The following ESPN variants were observed in gnomAD, a reference collection of about 807,000 sequenced individuals.
ESPN encodes autosomal recessive deafness type 36 protein.
In ESPN, 68 loss-of-function variants were observed where a neutral mutation model predicts 77.7. That is an observed-to-expected ratio of 0.87 (90% CI 0.72 to 1.07). ESPN has a LOEUF of 1.07. Among genes scored for constraint, ESPN ranks in the 50% least tolerant of loss-of-function variants. The probability of loss-of-function intolerance (pLI) is 0.00; values close to 1 mark genes in which losing one functional copy is unlikely to be tolerated. For missense variants in ESPN, 1,060 were observed against 1,239.0 expected, an observed-to-expected ratio of 0.86 and a Z score of 2.17; for synonymous variants, 449 against 567.1, an observed-to-expected ratio of 0.79 and a Z score of 2.96.
chr1:6,449,189 C>T (rs2148534331), intron 8 of ESPN, 98 bp downstream of exon 8: 18 of 1,216,072 alleles, frequency 1.5e-5, no homozygotes, highest in Non-Finnish European at 1.9e-5. Context: ...CTGCCCGGGT[C>T]CTTCCTCTTC....
At position 6,451,812 on chromosome 1, in the gene ESPN, C is replaced by A. The variant is rs1299322545; in HGVS notation, c.2062-21C>A. Reference sequence around the variant, plus strand: ...TGGCCCTAGGCCACCGGGCGCTCAGCCCCACCGCTTCTCCCTGCAGCCCGA... The same window carrying A: ...TGGCCCTAGGCCACCGGGCGCTCAGACCCACCGCTTCTCCCTGCAGCCCGA... On this transcript the variant is annotated intron_variant, in intron 9 of 12. Coordinates refer to ENST00000645284, the MANE Select transcript of ESPN (RefSeq NM_031475.3). This position sits in a 1 kb window ranked among gnomAD's most constrained non-coding sequence, Gnocchi z 4.3. 1.9e-6 allele frequency: 3 copies of A among 1,610,336 alleles called. No homozygotes were observed. The highest frequency in any genetic ancestry group is 2.5e-6 in the Non-Finnish European group (3 of 1,179,012).
At chr1:6,443,470 G>A (rs981689522) in intron 5 of ESPN, among the ~76,000 whole-genome samples, 5 of 152,240 alleles carry the variant, frequency 3.3e-5, no homozygotes, top group African/African-American at 9.6e-5. Context: ...TGTTGGCCAG[G>A]TAAAGAGCAC....
intron 2 of ESPN, among the ~76,000 whole-genome samples, chr1:6,432,330 A>T (rs1643281646): frequency 6.6e-6 from 1 of 151,962 alleles, no homozygotes; most frequent in African/African-American, 2.4e-5. Context: ...TTCCTTTTTG[A>T]TCACCAGCTC....
Position 6,448,652 on chromosome 1 carries a change from TGACGGCCAC to T in ESPN, c.1482_1490del (p.His495_Gly497del). On this transcript the variant is annotated inframe_deletion, in exon 8 of 13. Coordinates refer to ENST00000645284, the MANE Select transcript of ESPN (RefSeq NM_031475.3). ...CTGTCTTCCCGCAGCTGAGCTCCTGTGACGGCCACGACGGGCTGCGGAGGCAGGACTCCA... is the reference window on the plus strand; with the variant it reads ...CTGTCTTCCCGCAGCTGAGCTCCTGTGACGGGCTGCGGAGGCAGGACTCCA... 6.4e-7 allele frequency: 1 copy of T among 1,561,686 alleles called. No homozygotes were observed. Among genetic ancestry groups the T allele is most frequent in the Non-Finnish European group, 8.6e-7 (1 of 1,165,114 alleles).
chr1:6,440,874 C>T, intron 4 of ESPN, 60 bp from the exon 5 acceptor site: 3 of 1,531,552 alleles, frequency 2.0e-6, no homozygotes, highest in South Asian at 1.2e-5. Context: ...CACGGCCCTG[C>T]CCGGGCGCGG....
In ESPN at chr1:6,458,009, A is replaced by G. The variant is rs923066852; in HGVS notation, c.2417+637A>G. 4.0e-4 allele frequency among the ~76,000 whole-genome samples: 44 copies of G among 110,414 alleles called. No individual in the cohort carries two copies. The East Asian group carries it at 4.7e-3, about 12-fold the overall frequency. The allele number at this position is 110,414 out of a possible 152,430, so 72.4% of individuals were successfully genotyped here. A position where few individuals can be genotyped will look rare whatever the true frequency, so the allele number is the denominator to read the frequency against. ...CAATGCAGTGAGACCTCATTCTGCG[A>G]AAAAAAAAAAAAAAAAAAAATTTTT... On this transcript the variant is annotated intron_variant, in intron 12 of 12. Transcript: ENST00000645284.
chr1:6,445,990 G>A (rs1159028970), intron 7 of ESPN, 55 bp downstream of exon 7: 3 of 1,575,282 alleles, frequency 1.9e-6, no homozygotes, highest in East Asian at 2.2e-5. Flanking sequence ...GGCTGATGGG[G>A]GCCAGTGAGG....
At chr1:6,434,388 A>G (rs1474670784) in intron 2 of ESPN, among the ~76,000 whole-genome samples, 1 of 152,134 alleles carries the variant, frequency 6.6e-6, no homozygotes, top group Non-Finnish European at 1.5e-5. Flanking sequence ...GTCCCTGACT[A>G]ATGAGGCCAG....
rs538135858 is a variant in ESPN at position 6,429,644 on chromosome 1, C to T, written c.488+1225C>T. 4.2e-4 allele frequency among the ~76,000 whole-genome samples: 64 copies of T among 152,334 alleles called. 2 individuals carry two copies. In the South Asian group the frequency reaches 0.012, roughly 28 times the overall value. On this transcript the variant is annotated intron_variant, in intron 2 of 12. Transcript: ENST00000645284. The stretch of plus-strand genomic sequence containing the variant: ...TATGGCCCAAGTGTGAACTGGAGGA[C>T]GCTGAGCCCACCTTCTGCAAGTGCT...
chr1:6,454,511 C>T (rs1250404476), intron 10 of ESPN: 5 of 398,908 alleles, frequency 1.3e-5, no homozygotes, highest in African/African-American at 8.2e-5. Flanking sequence ...TCCTCGGGCC[C>T]TTTGGCGAGC....
chr1:6,450,570 G>T lies in ESPN; in HGVS notation c.1916-1033G>T. ...AGAAGGGGCCCAGACTTGAGGAAAG[G>T]GCAGGGGCAGGGGCTGGCAGGCGAG... On this transcript the variant is annotated intron_variant, in intron 8 of 12. Coordinates refer to ENST00000645284, the MANE Select transcript of ESPN (RefSeq NM_031475.3). The surrounding 1 kb of genome is among the most constrained non-coding windows in gnomAD (Gnocchi z 4.3). 1 of 515,634 alleles carries T rather than the reference G, an allele frequency of 1.9e-6. No individual in the cohort carries two copies. The highest frequency in any genetic ancestry group is 8.5e-5 in the South Asian group (1 of 11,780). 31.9% of individuals were successfully genotyped at this position (515,634 alleles called of 1,614,324 possible).
chr1:6,443,914 G>A (rs571269963), intron 5 of ESPN, among the ~76,000 whole-genome samples: 5 of 152,214 alleles, frequency 3.3e-5, no homozygotes, highest in African/African-American at 7.2e-5. Context: ...GTGGTCAGAC[G>A]CACAGACCGG....
In ESPN at chr1:6,446,053, G is replaced by T. The variant is rs1032659429; in HGVS notation, c.1464+118G>T. The T allele has an allele frequency of 1.5e-5, 16 of 1,039,732 alleles. No individual in the cohort carries two copies. The African/African-American group carries it at 2.6e-4, about 17-fold the overall frequency. The allele number at this position is 1,039,732 out of a possible 1,614,324, so 64.4% of individuals were successfully genotyped here. A position where few individuals can be genotyped will look rare whatever the true frequency, so the allele number is the denominator to read the frequency against. On this transcript the variant is annotated intron_variant, in intron 7 of 12. Transcript: ENST00000645284. The stretch of plus-strand genomic sequence containing the variant: ...TAGGGTGGGGATCCCTGGGTCCATG[G>T]CATGTTCAAGAGTCAAAGCTCCTGG...
At position 6,435,613 on chromosome 1, in the gene ESPN, G is replaced by A. The variant is rs145068350; in HGVS notation, c.489-4641G>A. Among the ~76,000 whole-genome samples the A allele has an allele frequency of 4.1e-3, 632 of 152,330 alleles. 5 individuals carry two copies. The highest frequency in any genetic ancestry group is 0.015 in the African/African-American group (608 of 41,578). On this transcript the variant is annotated intron_variant, in intron 2 of 12. Transcript: ENST00000645284. ...CTTGGTCTGGGAGCACTTTTCTGCA[G>A]CTGTCACTGTGGTCGGGGCTAGAGC...
In ESPN at chr1:6,434,436, A is replaced by G. The variant is rs568594469; in HGVS notation, c.489-5818A>G. 4.4e-3 allele frequency among the ~76,000 whole-genome samples: 671 copies of G among 152,214 alleles called. 10 individuals carry two copies. Among genetic ancestry groups the G allele is most frequent in the African/African-American group, 0.015 (611 of 41,528 alleles). On this transcript the variant is annotated intron_variant, in intron 2 of 12. Transcript: ENST00000645284. ...CCCGGCTCTGTATGCCCAGAGCCTG[A>G]CTCCAGTAAACGTCTGCTGAATGAG...
Position 6,457,219 on chromosome 1 carries a change from C to T in ESPN, c.2361C>T (p.Pro787=), listed in dbSNP as rs201395770. The part of the protein sequence containing the change: ...EEEEARLASM[P]AWRRDLLRKK... ...AGGAGGCCCGGCTGGCCAGCATGCCCGCCTGGAGGCGGGACCTCCTGCGGA... is the reference window on the plus strand; with the variant it reads ...AGGAGGCCCGGCTGGCCAGCATGCCTGCCTGGAGGCGGGACCTCCTGCGGA... The change falls in exon 11 of 13, where the codon CCC becomes CCT. Residue 787 remains proline, a synonymous_variant. Transcript: ENST00000645284. The T allele has an allele frequency of 1.8e-5, 29 of 1,612,322 alleles. No individual in the cohort carries two copies. The Admixed American group carries it at 2.0e-4, about 11-fold the overall frequency.
downstream of ESPN, chr1:6,461,155 TG>T (rs1418308203): frequency 1.5e-6 from 1 of 666,750 alleles, no homozygotes; most frequent in East Asian, 3.1e-5. The surrounding 1 kb of genome is among the most constrained non-coding windows in gnomAD (Gnocchi z 6.3). Flanking sequence ...AAGCCGTTTT[TG>T]TTTTGTTTTG....
intron 12 of ESPN, among the ~76,000 whole-genome samples, chr1:6,458,981 C>T (rs1053327771): frequency 1.3e-5 from 2 of 151,280 alleles, no homozygotes; most frequent in Non-Finnish European, 1.5e-5. Flanking sequence ...TGGCTCACGC[C>T]TGTAATCCCA....
In ESPN at chr1:6,460,288, GC is replaced by G. The variant is rs931020982; in HGVS notation, c.*148del. ...GAAACCCTCCCTGACCCCCACCCTGGCCCCCCGTATCCCCAGCCCTTGGCAA... is the reference window on the plus strand; with the variant it reads ...GAAACCCTCCCTGACCCCCACCCTGGCCCCCGTATCCCCAGCCCTTGGCAA... On this transcript the variant is annotated 3_prime_UTR_variant, in exon 13 of 13. Transcript: ENST00000645284. 5.1e-5 allele frequency: 56 copies of G among 1,090,586 alleles called. No individual in the cohort carries two copies. The African/African-American group carries it at 7.3e-4, about 14-fold the overall frequency. The allele number at this position is 1,090,586 out of a possible 1,614,324, so 67.6% of individuals were successfully genotyped here.
Sources: gnomAD v4.1 joint callset for allele counts (sites outside exome capture counted in the v4.1 genomes callset) on GRCh38, gnomAD v4.1.1 for gene constraint, Gnocchi (gnomAD v3.1) non-coding constraint, MANE v1.5 for transcripts, NCBI Gene and HGNC (gene_info 2026-07-23, HGNC 2026-07-21) for gene names.